Variants in KSR2 observed in about 807,000 individuals in gnomAD.
KSR2 encodes the protein kinase suppressor of ras 2.
A neutral mutation model predicts 107.8 loss-of-function variants in KSR2; 25 were observed. The observed-to-expected ratio is 0.23, with a 90% CI of 0.17 to 0.32. The LOEUF (loss-of-function observed/expected upper bound fraction) is 0.32. Among genes scored for constraint, KSR2 ranks in the 10% least tolerant of loss-of-function variants. The pLI, the probability that KSR2 is intolerant of heterozygous loss-of-function variation, is 1.00. For synonymous variants in KSR2, 480 were observed against 507.0 expected (o/e 0.95, Z 0.71); for missense variants, 887 against 1,268.9 (o/e 0.70, Z 4.57).
At chr12:117,750,072 AC>A (rs1283701142) in intron 4 of KSR2, among the ~76,000 whole-genome samples, 5 of 151,936 alleles carry the variant, frequency 3.3e-5, no homozygotes, top group Non-Finnish European at 7.4e-5. Context: ...ACATGGTGAA[AC>A]CCCGTCTCTA....
At chr12:117,482,148 G>A (rs1872209318) in intron 16 of KSR2, among the ~76,000 whole-genome samples, 1 of 151,972 alleles carries the variant, frequency 6.6e-6, no homozygotes, top group Non-Finnish European at 1.5e-5. Context: ...ATGGTGTGAG[G>A]AAGCCCAATG....
intron 3 of KSR2, among the ~76,000 whole-genome samples, chr12:117,777,139 T>TA (rs1555238943): frequency 7.3e-6 from 1 of 136,748 alleles, no homozygotes; most frequent in South Asian, 2.3e-4. Context: ...ATACACTATA[T>TA]TATATATATA....
chr12:117,825,118 G>C (rs1891694802), intron 3 of KSR2, among the ~76,000 whole-genome samples: 1 of 151,672 alleles, frequency 6.6e-6, no homozygotes, highest in African/African-American at 2.4e-5. Flanking sequence ...GGAGGTGGAG[G>C]CTGTAGTGAG....
chr12:117,597,471 G>A (rs1036501731), intron 5 of KSR2, among the ~76,000 whole-genome samples: 4 of 152,164 alleles, frequency 2.6e-5, no homozygotes, highest in African/African-American at 4.8e-5. Flanking sequence ...GGCAAGAGGA[G>A]CAAAGGAAGA....
At chr12:117,835,364 A>G (rs763115723) in intron 3 of KSR2, among the ~76,000 whole-genome samples, 1 of 152,150 alleles carries the variant, frequency 6.6e-6, no homozygotes, top group Non-Finnish European at 1.5e-5. Context: ...CCTCGCTTTC[A>G]TCTGGTTCCT....
intron 4 of KSR2, 67 bp from the exon 5 acceptor site, chr12:117,667,725 G>A: frequency 7.4e-7 from 1 of 1,356,494 alleles, no homozygotes; most frequent in Admixed American, 2.7e-5. Context: ...ACAGCAGGGA[G>A]GCCCAGCCTT....
At chr12:117,732,413 C>A (rs910042384) in intron 4 of KSR2, among the ~76,000 whole-genome samples, 1 of 151,980 alleles carries the variant, frequency 6.6e-6, no homozygotes, top group Non-Finnish European at 1.5e-5. Context: ...CTCAGCCTCC[C>A]GAGTAGCTGG....
At chr12:117,919,872 C>T (rs373715709) in intron 1 of KSR2, among the ~76,000 whole-genome samples, 1 of 152,338 alleles carries the variant, frequency 6.6e-6, no homozygotes, top group South Asian at 2.1e-4. Context: ...AGAAAATAAA[C>T]TTTTGTTATG....
At chr12:117,524,717 T>C (rs1874990895) in intron 14 of KSR2, 135 bp downstream of exon 14, 2 of 1,090,912 alleles carry the variant, frequency 1.8e-6, no homozygotes, top group Admixed American at 3.0e-5. Context: ...TCTTAAACCA[T>C]GTAAGTAAAC....
intron 14 of KSR2, among the ~76,000 whole-genome samples, chr12:117,524,020 G>T (rs905106897): frequency 6.6e-5 from 10 of 152,180 alleles, no homozygotes; most frequent in Middle Eastern, 6.8e-3. Flanking sequence ...ACGGCCCATG[G>T]GACAAATACA....
chr12:117,562,741 T>A (rs1375866777), intron 7 of KSR2, among the ~76,000 whole-genome samples: 1 of 152,138 alleles, frequency 6.6e-6, no homozygotes, highest in African/African-American at 2.4e-5. Flanking sequence ...TCTCTTGCAG[T>A]AATGGAAAAG....
chr12:117,558,446 G>A, intron 8 of KSR2, 60 bp downstream of exon 8: 1 of 1,341,468 alleles, frequency 7.5e-7, no homozygotes, highest in Non-Finnish European at 1.1e-6. Flanking sequence ...AGCTATGTGG[G>A]GGACCTGCAG....
chr12:117,505,269 C>T (rs1156901507), intron 14 of KSR2, among the ~76,000 whole-genome samples: 2 of 152,180 alleles, frequency 1.3e-5, no homozygotes, highest in East Asian at 3.9e-4. Context: ...GCTATCACAT[C>T]ATGTTGAGCA....
intron 1 of KSR2, among the ~76,000 whole-genome samples, chr12:117,930,545 C>T (rs1045571125): frequency 2.0e-5 from 3 of 152,078 alleles, no homozygotes; most frequent in Non-Finnish European, 2.9e-5. Flanking sequence ...CTTTGGGTAG[C>T]CACATACATA....
At chr12:117,568,958 T>C (rs1243023261) in intron 7 of KSR2, among the ~76,000 whole-genome samples, 1 of 152,210 alleles carries the variant, frequency 6.6e-6, no homozygotes, top group African/African-American at 2.4e-5. Flanking sequence ...CTCATAATTA[T>C]ATCCTGCCAA....
At position 117,907,925 on chromosome 12, in the gene KSR2, AG is replaced by A; in HGVS notation, c.181-47495del. The stretch of plus-strand genomic sequence containing the variant: ...TCTTATAGAGAGAAAAAAATCAACT[AG>A]AAGTCTCTACTGAGGGCTGGAAGAT... On this transcript the variant is annotated intron_variant, in intron 1 of 19. Coordinates refer to ENST00000339824, the MANE Select transcript of KSR2 (RefSeq NM_173598.6). The surrounding 1 kb of genome is among the most constrained non-coding windows in gnomAD (Gnocchi z 4.3). 6.6e-6 allele frequency among the ~76,000 whole-genome samples: 1 copy of A among 152,190 alleles called. No homozygotes were observed. The highest frequency in any genetic ancestry group is 1.5e-5 in the Non-Finnish European group (1 of 68,022).
intron 7 of KSR2, among the ~76,000 whole-genome samples, chr12:117,565,685 T>C (rs758118073): frequency 1.4e-4 from 21 of 152,252 alleles, no homozygotes; most frequent in Non-Finnish European, 2.8e-4. Flanking sequence ...TTAACCCTTA[T>C]TAGATTCTGT....
intron 7 of KSR2, among the ~76,000 whole-genome samples, chr12:117,578,001 C>T (rs1480463313): frequency 2.6e-5 from 4 of 152,160 alleles, no homozygotes; most frequent in Non-Finnish European, 4.4e-5. Flanking sequence ...CCACATCTGG[C>T]GTCTCAGTTT....
In KSR2 at chr12:117,821,741, T is replaced by C. The variant is rs550318274; in HGVS notation, c.472+33687A>G. Among the ~76,000 whole-genome samples, 6 of 152,324 alleles carry C rather than the reference T, an allele frequency of 3.9e-5. No homozygotes were observed. In the East Asian group the frequency reaches 9.7e-4, roughly 25 times the overall value. On this transcript the variant is annotated intron_variant, in intron 3 of 19. Transcript: ENST00000339824. The stretch of plus-strand genomic sequence containing the variant: ...ACATTTCATTTTATTTTAACAAATA[T>C]GAATTGGAAGCCAGGCTCTGGGAGA...
Sources: allele counts gnomAD v4.1 joint callset (sites outside exome capture counted in the v4.1 genomes callset), GRCh38; gene constraint gnomAD v4.1.1; non-coding constraint Gnocchi (gnomAD v3.1); transcripts MANE v1.5; gene names NCBI Gene and HGNC (gene_info 2026-07-23, HGNC 2026-07-21).